The following NBAS variants were observed in gnomAD, a reference collection of about 807,000 sequenced individuals.
NBAS encodes NAG/BC035112 fusion.
NBAS carries 219 observed loss-of-function variants against 302.5 expected under a neutral mutation model. That is an observed-to-expected ratio of 0.72 (90% CI 0.65 to 0.81). NBAS has a LOEUF of 0.81. Among genes scored for constraint, NBAS ranks in the 30% least tolerant of loss-of-function variants. NBAS has a pLI of 0.00. For missense variants in NBAS, 2,932 were observed against 2,841.6 expected (o/e 1.03, Z -0.72); for synonymous variants, 1,118 against 1,021.6 (o/e 1.09, Z -1.80).
the NBAS span, among the ~76,000 whole-genome samples, chr2:14,969,181 G>A: frequency 6.6e-6 from 1 of 152,122 alleles, no homozygotes; most frequent in African/African-American, 2.4e-5. Flanking sequence ...ATGAGGGGTT[G>A]CTTAGGGCTG....
At chr2:15,238,385 C>T (rs1572503811) in intron 45 of NBAS, 83 bp downstream of exon 45, 9 of 1,408,368 alleles carry the variant, frequency 6.4e-6, no homozygotes, top group Non-Finnish European at 8.8e-6. Context: ...AAAACCCTGT[C>T]AAAACGACTA....
intron 30 of NBAS, among the ~76,000 whole-genome samples, chr2:15,376,969 A>G (rs1674773429): frequency 6.6e-6 from 1 of 152,178 alleles, no homozygotes. Context: ...TAAAAAATAA[A>G]ACTATCAAAG....
At chr2:14,934,864 C>CAAGAGCCCAGCTT in the NBAS span, among the ~76,000 whole-genome samples, 1 of 152,210 alleles carries the variant, frequency 6.6e-6, no homozygotes, top group South Asian at 2.1e-4. Flanking sequence ...TGCTCTGTAT[C>CAAGAGCCCAGCTT]AAGAGCCCAC....
chr2:14,843,582 A>ACACACACACACACACACAC, the NBAS span, among the ~76,000 whole-genome samples: 1 of 150,794 alleles, frequency 6.6e-6, no homozygotes, highest in Non-Finnish European at 1.5e-5. Flanking sequence ...ACACACACAC[A>ACACACACACACACACACAC]AAAATACCTT....
chr2:15,333,799 A>G (rs1672456750), intron 35 of NBAS, among the ~76,000 whole-genome samples: 1 of 151,586 alleles, frequency 6.6e-6, no homozygotes, highest in South Asian at 2.1e-4. Flanking sequence ...GTAACAGATA[A>G]ACTATAATTG....
chr2:15,109,767 A>T, the NBAS span, among the ~76,000 whole-genome samples: 1 of 152,070 alleles, frequency 6.6e-6, no homozygotes, highest in African/African-American at 2.4e-5. Context: ...TGACCTAGTC[A>T]TCTCTCAAAG....
intron 48 of NBAS, among the ~76,000 whole-genome samples, chr2:15,193,183 A>G (rs1334938534): frequency 6.6e-6 from 1 of 152,150 alleles, no homozygotes; most frequent in Non-Finnish European, 1.5e-5. Flanking sequence ...TTTTCTTCTA[A>G]TGTCCACTAA....
chr2:14,923,276 G>A, the NBAS span, among the ~76,000 whole-genome samples: 6 of 152,198 alleles, frequency 3.9e-5, no homozygotes, highest in Admixed American at 6.5e-5. Flanking sequence ...TTGAAAATAG[G>A]TACATATAAC....
At chr2:14,843,521 C>A in the NBAS span, among the ~76,000 whole-genome samples, 1,088 of 151,652 alleles carry the variant, frequency 7.2e-3, 9 homozygotes, top group Non-Finnish European at 0.011. Context: ...TCATCCTCCC[C>A]ACAAGGCACC....
At chr2:14,928,594 A>G in the NBAS span, among the ~76,000 whole-genome samples, 1 of 152,142 alleles carries the variant, frequency 6.6e-6, no homozygotes, top group Non-Finnish European at 1.5e-5. Context: ...TGGCACTCAA[A>G]TATTTATTGA....
chr2:15,065,847 C>G, the NBAS span, among the ~76,000 whole-genome samples: 1 of 152,094 alleles, frequency 6.6e-6, no homozygotes. Context: ...AACACTATCT[C>G]CATCAAAATC....
intron 9 of NBAS, among the ~76,000 whole-genome samples, chr2:15,512,992 G>A (rs1352346503): frequency 2.0e-5 from 3 of 152,060 alleles, no homozygotes; most frequent in Non-Finnish European, 4.4e-5. Flanking sequence ...AAGTGTTTCT[G>A]AACTAAGCTA....
chr2:14,859,177 G>A, the NBAS span, among the ~76,000 whole-genome samples: 1 of 151,894 alleles, frequency 6.6e-6, no homozygotes, highest in Admixed American at 6.6e-5. Flanking sequence ...GATGAAAGGA[G>A]TTGAAGAAGA....
At chr2:15,082,822 G>A in the NBAS span, among the ~76,000 whole-genome samples, 1 of 152,160 alleles carries the variant, frequency 6.6e-6, no homozygotes, top group African/African-American at 2.4e-5. Context: ...GGGAGCCATG[G>A]TCTCCAGTTT....
chr2:15,445,151 C>T (rs1471702690), intron 21 of NBAS, among the ~76,000 whole-genome samples: 1 of 151,526 alleles, frequency 6.6e-6, no homozygotes, highest in Non-Finnish European at 1.5e-5. Context: ...CATCCCATTA[C>T]TGGGTATATA....
At chr2:15,489,088 T>C (rs1363753347) in intron 11 of NBAS, 66 bp from the exon 12 acceptor site, 1 of 1,566,932 alleles carries the variant, frequency 6.4e-7, no homozygotes. Context: ...CAGAAGTAAA[T>C]GACACTCTTT....
At chr2:14,982,319 G>A in the NBAS span, among the ~76,000 whole-genome samples, 3 of 152,192 alleles carry the variant, frequency 2.0e-5, no homozygotes, top group African/African-American at 7.2e-5. Context: ...CGGCACAGAA[G>A]AACAACACAG....
At chr2:14,796,922 A>AAATAC in the NBAS span, among the ~76,000 whole-genome samples, 1 of 135,048 alleles carries the variant, frequency 7.4e-6, no homozygotes, top group African/African-American at 3.4e-5. Context: ...AAAAATACAA[A>AAATAC]AAAAAAAAAA....
the NBAS span, among the ~76,000 whole-genome samples, chr2:14,981,815 A>C: frequency 6.6e-6 from 1 of 152,164 alleles, no homozygotes; most frequent in Non-Finnish European, 1.5e-5. Context: ...AGTGGGAATA[A>C]AATATTGTGT....
Sources: gnomAD v4.1 joint callset for allele counts (sites outside exome capture counted in the v4.1 genomes callset) on GRCh38, gnomAD v4.1.1 for gene constraint, MANE v1.5 for transcripts, NCBI Gene and HGNC (gene_info 2026-07-23, HGNC 2026-07-21) for gene names.